The following MSRB3 variants were observed in gnomAD, a reference collection of about 807,000 sequenced individuals.
MSRB3 encodes methionine sulfoxide reductase B3, also known as methionine-R-sulfoxide reductase B3.
In MSRB3, 13 loss-of-function variants were observed where a neutral mutation model predicts 21.0. The observed-to-expected ratio is 0.62, with a 90% CI of 0.40 to 0.98. The LOEUF is 0.98. Ranked by LOEUF, MSRB3 falls within the 50% of genes least tolerant of loss-of-function variation. MSRB3 has a pLI of 0.00. For missense variants in MSRB3, 199 were observed against 230.3 expected (o/e 0.86, Z 0.88); for synonymous variants, 87 against 88.6 (o/e 0.98, Z 0.10).
At chr12:65,372,229 A>G (rs2136540180) in intron 5 of MSRB3, among the ~76,000 whole-genome samples, 1 of 152,268 alleles carries the variant, frequency 6.6e-6, no homozygotes, top group Non-Finnish European at 1.5e-5. Context: ...TGAAAGTCCT[A>G]TTTGTGGTGA....
chr12:65,418,884 A>C, intron 5 of MSRB3: 1 of 741,642 alleles, frequency 1.3e-6, no homozygotes, highest in South Asian at 1.4e-5. Flanking sequence ...GATACATGGC[A>C]ATCTCAGCCT....
chr12:65,419,063 C>A (rs1321180089), intron 5 of MSRB3: 2 of 700,602 alleles, frequency 2.9e-6, no homozygotes, highest in East Asian at 5.4e-5. Context: ...TCCAAGCTGG[C>A]CTTCAGATTT....
At chr12:65,287,120 C>CT (rs1455191169) in intron 1 of MSRB3, among the ~76,000 whole-genome samples, 1 of 130,108 alleles carries the variant, frequency 7.7e-6, no homozygotes, top group Admixed American at 7.8e-5. Flanking sequence ...TATGTTTGTT[C>CT]TTTCATTTCT....
chr12:65,372,900 G>A (rs921160540), intron 5 of MSRB3, among the ~76,000 whole-genome samples: 2 of 152,190 alleles, frequency 1.3e-5, no homozygotes, highest in Non-Finnish European at 2.9e-5. Flanking sequence ...CAGGATTGAA[G>A]TATAAACTTT....
intron 4 of MSRB3, among the ~76,000 whole-genome samples, chr12:65,353,921 G>A (rs1475431946): frequency 6.6e-6 from 1 of 151,912 alleles, no homozygotes. Flanking sequence ...GGCAGGCCTG[G>A]TGGTGACAAA....
In MSRB3 at chr12:65,402,895, C is replaced by A. The variant is rs530194512; in HGVS notation, c.292+33869C>A. On this transcript the variant is annotated intron_variant, in intron 5 of 6. Coordinates refer to ENST00000308259, the MANE Select transcript of MSRB3 (RefSeq NM_001031679.3). The stretch of plus-strand genomic sequence containing the variant: ...AAGTCTGCTGGAGTTTGCTGGAGGT[C>A]CACTCCAGACCCTGTTTGCTTGGGT... Among the ~76,000 whole-genome samples the A allele has an allele frequency of 5.9e-5, 9 of 152,264 alleles. No homozygotes were observed. In the East Asian group the frequency reaches 1.7e-3, roughly 29 times the overall value.
intron 5 of MSRB3, among the ~76,000 whole-genome samples, chr12:65,409,182 GT>G (rs2136620490): frequency 6.6e-6 from 1 of 151,642 alleles, no homozygotes; most frequent in East Asian, 1.9e-4. Context: ...GTGTGTTTGT[GT>G]GTGTATATAC....
chr12:65,388,820 C>G (rs1879322975), intron 5 of MSRB3, among the ~76,000 whole-genome samples: 2 of 152,058 alleles, frequency 1.3e-5, no homozygotes, highest in East Asian at 3.9e-4. Context: ...TGCAGTGCGC[C>G]ATGATCGTTC....
chr12:65,410,144 G>T (rs903110248), intron 5 of MSRB3, among the ~76,000 whole-genome samples: 1 of 151,856 alleles, frequency 6.6e-6, no homozygotes, highest in Non-Finnish European at 1.5e-5. Flanking sequence ...TTTATTTCAT[G>T]TATTGCCAGT....
At chr12:65,333,978 T>C (rs867014020) in intron 4 of MSRB3, among the ~76,000 whole-genome samples, 1 of 152,160 alleles carries the variant, frequency 6.6e-6, no homozygotes. Context: ...GTGCACAAGA[T>C]AGATTCTGGG....
intron 5 of MSRB3, among the ~76,000 whole-genome samples, chr12:65,414,490 G>A (rs535263719): frequency 6.6e-6 from 1 of 152,232 alleles, no homozygotes; most frequent in African/African-American, 2.4e-5. Context: ...TTATGATTGT[G>A]CTACAATCAC....
At chr12:65,457,984 C>T (rs1883166588) in intron 6 of MSRB3, among the ~76,000 whole-genome samples, 2 of 151,966 alleles carry the variant, frequency 1.3e-5, no homozygotes, top group Admixed American at 6.6e-5. Flanking sequence ...ACTGAGTTGC[C>T]TCAATATGGT....
At chr12:65,453,952 G>A in intron 6 of MSRB3, 127 bp downstream of exon 6, 2 of 770,336 alleles carry the variant, frequency 2.6e-6, no homozygotes, top group South Asian at 1.4e-5. Flanking sequence ...TTTATATGAA[G>A]TCCGATGGAT....
chr12:65,283,395 C>G (rs1037959545), intron 1 of MSRB3, among the ~76,000 whole-genome samples: 2 of 151,786 alleles, frequency 1.3e-5, no homozygotes, highest in Non-Finnish European at 2.9e-5. Context: ...TTCAACTTCA[C>G]TAAACTATAA....
chr12:65,308,325 T>C (rs1873777824), intron 1 of MSRB3, among the ~76,000 whole-genome samples: 2 of 152,168 alleles, frequency 1.3e-5, no homozygotes, highest in African/African-American at 4.8e-5. Context: ...TGCTATCATG[T>C]AGTGTGTATT....
intron 4 of MSRB3, among the ~76,000 whole-genome samples, chr12:65,341,338 TG>T (rs1876125938): frequency 1.3e-5 from 2 of 151,866 alleles, no homozygotes; most frequent in South Asian, 4.2e-4. Flanking sequence ...CACTTTTCTG[TG>T]GGTGCTAAAA....
intron 2 of MSRB3, among the ~76,000 whole-genome samples, chr12:65,319,090 A>G (rs1022715401): frequency 1.3e-5 from 2 of 152,176 alleles, no homozygotes; most frequent in African/African-American, 4.8e-5. Flanking sequence ...AAGGACGTTA[A>G]TAACCTTTCA....
chr12:65,361,928 C>A (rs968396128), intron 4 of MSRB3, among the ~76,000 whole-genome samples: 1 of 151,936 alleles, frequency 6.6e-6, no homozygotes, highest in African/African-American at 2.4e-5. Context: ...AAAAAATTAA[C>A]CGTAAAATTA....
At chr12:65,363,711 C>T (rs1197307913) in intron 4 of MSRB3, among the ~76,000 whole-genome samples, 5 of 152,110 alleles carry the variant, frequency 3.3e-5, no homozygotes, top group Admixed American at 6.5e-5. Context: ...TGGGGCCGGG[C>T]GTGGTGGCTC....
Sources: allele counts gnomAD v4.1 joint callset (sites outside exome capture counted in the v4.1 genomes callset), GRCh38; gene constraint gnomAD v4.1.1; transcripts MANE v1.5; gene names NCBI Gene and HGNC (gene_info 2026-07-23, HGNC 2026-07-21).